CPNE4: variants seen among roughly 807,000 people sequenced by gnomAD.
CPNE4 encodes copine 4.
CPNE4 carries 25 observed loss-of-function variants against 67.9 expected under a neutral mutation model. The observed-to-expected ratio is 0.37, with a 90% CI of 0.27 to 0.51. The LOEUF is 0.51. CPNE4 is among the 20% of genes least tolerant of loss of function. The pLI, the probability that CPNE4 is intolerant of heterozygous loss-of-function variation, is 0.93. For synonymous variants in CPNE4, 242 were observed against 244.9 expected (o/e 0.99, Z 0.11); for missense variants, 464 against 690.8 (o/e 0.67, Z 3.68).
At chr3:131,755,872 C>T (rs895167423) in intron 2 of CPNE4, among the ~76,000 whole-genome samples, 2 of 152,202 alleles carry the variant, frequency 1.3e-5, no homozygotes, top group African/African-American at 4.8e-5. Context: ...CAGATGCACT[C>T]TGCAACAATT....
chr3:131,820,348 C>G (rs1480437572), intron 2 of CPNE4, among the ~76,000 whole-genome samples: 2 of 152,206 alleles, frequency 1.3e-5, no homozygotes, highest in Non-Finnish European at 2.9e-5. Context: ...ACAGAGCTGT[C>G]TGACAGTGGG....
At chr3:131,557,899 G>A (rs188914929) in intron 11 of CPNE4, among the ~76,000 whole-genome samples, 25 of 152,066 alleles carry the variant, frequency 1.6e-4, no homozygotes, top group African/African-American at 5.8e-4. Context: ...CTTCACACTC[G>A]AGGATGACCC....
At chr3:131,650,724 G>A (rs1335692385) in intron 7 of CPNE4, among the ~76,000 whole-genome samples, 1 of 118,190 alleles carries the variant, frequency 8.5e-6, no homozygotes, top group African/African-American at 4.6e-5. Flanking sequence ...CAGCCTGGGG[G>A]ACAGAGCAAG....
intron 1 of CPNE4, among the ~76,000 whole-genome samples, chr3:132,015,430 G>A (rs1370428241): frequency 6.6e-6 from 1 of 152,050 alleles, no homozygotes; most frequent in East Asian, 1.9e-4. Flanking sequence ...AAGAAGGGAA[G>A]GAAAGCTCCA....
At chr3:131,815,091 G>C (rs1407833011) in intron 2 of CPNE4, among the ~76,000 whole-genome samples, 1 of 152,154 alleles carries the variant, frequency 6.6e-6, no homozygotes, top group Non-Finnish European at 1.5e-5. Flanking sequence ...GACCCAGTAG[G>C]GAGCAATAGA....
At chr3:131,768,272 T>G (rs1185281386) in intron 2 of CPNE4, among the ~76,000 whole-genome samples, 1 of 152,112 alleles carries the variant, frequency 6.6e-6, no homozygotes, top group Non-Finnish European at 1.5e-5. Flanking sequence ...AATTTCAATT[T>G]CTTTTGTTGC....
chr3:131,906,393 TCCCTCCCC>T (rs2088762961), intron 1 of CPNE4, among the ~76,000 whole-genome samples: 1 of 124,322 alleles, frequency 8.0e-6, no homozygotes, highest in Admixed American at 8.6e-5. Context: ...CCTAATGCTA[TCCCTCCCC>T]CCCTCCCCCC....
At chr3:131,600,634 G>A (rs548623242) in intron 7 of CPNE4, among the ~76,000 whole-genome samples, 9 of 115,514 alleles carry the variant, frequency 7.8e-5, no homozygotes, top group South Asian at 2.8e-4. Flanking sequence ...CTCTGACCCC[G>A]CCTCGAGAGG....
chr3:131,538,733 G>T (rs1935314369), intron 15 of CPNE4: 1 of 152,222 alleles, frequency 6.6e-6, no homozygotes, highest in African/African-American at 2.4e-5. Context: ...GGCCTCATAA[G>T]ATGTCAGTAT....
At chr3:131,956,884 T>C (rs993047138) in intron 1 of CPNE4, among the ~76,000 whole-genome samples, 2 of 152,246 alleles carry the variant, frequency 1.3e-5, no homozygotes, top group African/African-American at 4.8e-5. Context: ...CCCCAAGTTT[T>C]AGCCTTGTTA....
chr3:131,900,745 T>C (rs1461142), intron 2 of CPNE4, among the ~76,000 whole-genome samples: 54,084 of 151,906 alleles, frequency 0.36, 9,826 homozygotes, highest in Admixed American at 0.44. Flanking sequence ...AAACACTATA[T>C]GGATATATTA....
At chr3:131,910,488 G>A (rs747503) in intron 1 of CPNE4, among the ~76,000 whole-genome samples, 30,938 of 152,022 alleles carry the variant, frequency 0.2, 3,838 homozygotes, top group Non-Finnish European at 0.27. Flanking sequence ...CAGAGGAGAG[G>A]AGAGAAGAAA....
At chr3:131,814,306 C>A (rs1322717645) in intron 2 of CPNE4, among the ~76,000 whole-genome samples, 1 of 152,082 alleles carries the variant, frequency 6.6e-6, no homozygotes, top group Non-Finnish European at 1.5e-5. Flanking sequence ...GCTAACAGAG[C>A]AGCCACTATC....
chr3:131,839,276 C>A (rs1304138058), intron 2 of CPNE4, among the ~76,000 whole-genome samples: 1 of 151,294 alleles, frequency 6.6e-6, no homozygotes, highest in East Asian at 1.9e-4. Flanking sequence ...GAGAATAAGT[C>A]AAAAAAATCG....
chr3:131,792,182 CT>C (rs377457187), intron 2 of CPNE4, among the ~76,000 whole-genome samples: 137 of 152,124 alleles, frequency 9.0e-4, no homozygotes, highest in African/African-American at 3.1e-3. Flanking sequence ...TCTTGCCCCC[CT>C]CTCATATATG....
In CPNE4 at chr3:131,616,939, G is replaced by A. The variant is rs993438966; in HGVS notation, c.682-29357C>T. On this transcript the variant is annotated intron_variant, in intron 7 of 15. Transcript: ENST00000429747. The stretch of plus-strand genomic sequence containing the variant: ...TTTGGCCAAATGGTTCAGGTCCATC[G>A]GGGATAATGAGGGCTAGGGACATGC... 3.0e-4 allele frequency among the ~76,000 whole-genome samples: 46 copies of A among 152,262 alleles called. 1 individual carries two copies. Among genetic ancestry groups the A allele is most frequent in the Middle Eastern group, 6.8e-3 (2 of 294 alleles).
chr3:131,836,250 C>T (rs2085553328), intron 2 of CPNE4, among the ~76,000 whole-genome samples: 1 of 152,108 alleles, frequency 6.6e-6, no homozygotes, highest in East Asian at 1.9e-4. Flanking sequence ...AGGGATAAGA[C>T]ACCTATACCC....
chr3:131,755,779 C>A (rs2082736167), intron 2 of CPNE4, among the ~76,000 whole-genome samples: 2 of 152,104 alleles, frequency 1.3e-5, no homozygotes, highest in Admixed American at 1.3e-4. Context: ...TAAAATAAAT[C>A]ATATTAGGAT....
rs1300472018 is a variant in CPNE4 at position 131,792,664 on chromosome 3, TATATATACATATATACACAC to T, written c.181-69059_181-69040del. ...GTATATATGTATATATACACACGTG[TATATATACATATATACACAC>T]GTGTATATATACATATACACACACG... On this transcript the variant is annotated intron_variant, in intron 2 of 15. Coordinates refer to ENST00000429747, the MANE Select transcript of CPNE4 (RefSeq NM_130808.3). Among the ~76,000 whole-genome samples the T allele has an allele frequency of 8.3e-5, 4 of 48,068 alleles. 1 individual carries two copies. Among genetic ancestry groups the T allele is most frequent in the Non-Finnish European group, 1.9e-4 (4 of 20,730 alleles). 31.5% of individuals were successfully genotyped at this position (48,068 alleles called of 152,430 possible).
Sources: allele counts gnomAD v4.1 joint callset (sites outside exome capture counted in the v4.1 genomes callset), GRCh38; gene constraint gnomAD v4.1.1; transcripts MANE v1.5; gene names NCBI Gene and HGNC (gene_info 2026-07-23, HGNC 2026-07-21).